The following AKAP14 variants were observed in gnomAD, a reference collection of about 807,000 sequenced individuals.
AKAP14 encodes A-kinase anchor protein 14.
In AKAP14, 4 loss-of-function variants were observed where a neutral mutation model predicts 17.0. That is an observed-to-expected ratio of 0.23 (90% CI 0.12 to 0.54). The LOEUF is 0.54. Among genes scored for constraint, AKAP14 ranks in the 20% least tolerant of loss-of-function variants. AKAP14 has a pLI of 0.95. For missense variants in AKAP14, 129 were observed against 150.9 expected, an observed-to-expected ratio of 0.85 and a Z score of 0.76; for synonymous variants, 42 against 51.3, an observed-to-expected ratio of 0.82 and a Z score of 0.77.
At position 119,896,179 on chromosome X, in the gene AKAP14, A is replaced by G. The variant is rs2056525806; in HGVS notation, c.-99A>G. ...GCACTTGCAAACATTCCATCTGGCA[A>G]TCTGAGAGAAGCTACTGAGAGAATC... On this transcript the variant is annotated 5_prime_UTR_variant, in exon 2 of 7. Coordinates refer to ENST00000371431, the MANE Select transcript of AKAP14 (RefSeq NM_178813.6). 9.1e-6 allele frequency: 1 copy of G among 109,861 alleles called. No homozygotes were observed. Among genetic ancestry groups the G allele is most frequent in the Non-Finnish European group, 1.9e-5 (1 of 52,810 alleles). The allele number at this position is 109,861 out of a possible 1,213,427, so 9.1% of individuals were successfully genotyped here.
At chrX:119,906,312 G>A (rs1297828529) in intron 4 of AKAP14, among the ~76,000 whole-genome samples, 1 of 89,408 alleles carries the variant, frequency 1.1e-5, no homozygotes, top group Non-Finnish European at 2.1e-5. Flanking sequence ...TTGGCTCACT[G>A]CACCCTCCGC....
At chrX:119,911,930 C>CTT (rs139737732) in intron 4 of AKAP14, among the ~76,000 whole-genome samples, 7 of 93,967 alleles carry the variant, frequency 7.4e-5, no homozygotes, top group African/African-American at 1.1e-4. Flanking sequence ...CTGGAGGTTG[C>CTT]TTTTTTTTTT....
chrX:119,905,608 C>G (rs2056593103), intron 4 of AKAP14, among the ~76,000 whole-genome samples: 1 of 111,211 alleles, frequency 9.0e-6, no homozygotes, highest in Non-Finnish European at 1.9e-5. Context: ...CTCCTTCCCC[C>G]CTCTCACCTT....
intron 4 of AKAP14, 56 bp from the exon 5 acceptor site, chrX:119,914,643 A>G: frequency 9.0e-7 from 1 of 1,112,513 alleles, no homozygotes. Context: ...TATCTACAGG[A>G]CTTGAACAGA....
At chrX:119,896,909 A>T (rs1330857306) in intron 2 of AKAP14, among the ~76,000 whole-genome samples, 1 of 102,866 alleles carries the variant, frequency 9.7e-6, no homozygotes, top group Non-Finnish European at 2.0e-5. Flanking sequence ...CTCTGGTTTC[A>T]AGTGATTCTC....
chrX:119,916,662 T>C (rs2056660548), intron 5 of AKAP14, among the ~76,000 whole-genome samples: 1 of 101,523 alleles, frequency 9.8e-6, no homozygotes, highest in Non-Finnish European at 2.0e-5. Context: ...GCTTTTTTTT[T>C]TTTTTTTTTT....
chrX:119,915,898 G>A (rs933167860), intron 5 of AKAP14, among the ~76,000 whole-genome samples: 7 of 111,642 alleles, frequency 6.3e-5, no homozygotes, highest in Non-Finnish European at 9.4e-5. Flanking sequence ...CTCCTAATCA[G>A]TCTCTCTGCT....
intron 2 of AKAP14, among the ~76,000 whole-genome samples, chrX:119,902,569 T>C (rs888898063): frequency 8.9e-6 from 1 of 111,778 alleles, no homozygotes; most frequent in African/African-American, 3.2e-5. Flanking sequence ...CCTCAGTTGC[T>C]CCTAGCAGGG....
At chrX:119,916,215 A>G (rs925071950) in intron 5 of AKAP14, among the ~76,000 whole-genome samples, 5 of 108,603 alleles carry the variant, frequency 4.6e-5, no homozygotes, top group Non-Finnish European at 9.5e-5. Flanking sequence ...TCTGTCATCC[A>G]GGTTGGGGCA....
At position 119,919,583 on chromosome X, in the gene AKAP14, C is replaced by T. The variant is rs776473617; in HGVS notation, c.442-328C>T. On this transcript the variant is annotated intron_variant, in intron 5 of 6. Coordinates refer to ENST00000371431, the MANE Select transcript of AKAP14 (RefSeq NM_178813.6). Reference sequence around the variant, plus strand: ...CGATTGGGCTGGGCGTGGTGGCTCACGCCTGTAATCCCAGCACTTTGGGAG... The same window carrying T: ...CGATTGGGCTGGGCGTGGTGGCTCATGCCTGTAATCCCAGCACTTTGGGAG... 1.1e-4 allele frequency among the ~76,000 whole-genome samples: 12 copies of T among 112,218 alleles called. No individual in the cohort carries two copies. The East Asian group carries it at 2.2e-3, about 21-fold the overall frequency.
chrX:119,896,415 A>AGAGGG (rs1264284627), intron 2 of AKAP14, 148 bp downstream of exon 2: 1 of 62,442 alleles, frequency 1.6e-5, no homozygotes, highest in Non-Finnish European at 2.9e-5. Context: ...GGAGGGGAGG[A>AGAGGG]GAGGGGAGGG....
In AKAP14 at chrX:119,897,733, A is replaced by T. The variant is rs191846618; in HGVS notation, c.-11+1466A>T. Among the ~76,000 whole-genome samples the T allele has an allele frequency of 1.8e-3, 199 of 111,617 alleles. 1 individual carries two copies. The highest frequency in any genetic ancestry group is 5.2e-3 in the South Asian group (14 of 2,675). On this transcript the variant is annotated intron_variant, in intron 2 of 6. Transcript: ENST00000371431. ...AATGCTCTGTGTGCTCTGGCAGATG[A>T]TCCTGTCTACCTCCAGCTGCAGCAA... is the stretch of plus-strand genomic sequence containing the variant.
At chrX:119,904,185 G>A (rs572677785) in intron 4 of AKAP14, among the ~76,000 whole-genome samples, 1 of 111,695 alleles carries the variant, frequency 9.0e-6, no homozygotes. Flanking sequence ...GGATCCTCCT[G>A]CCTTGGCCTC....
At chrX:119,907,816 CA>C (rs951533731) in intron 4 of AKAP14, among the ~76,000 whole-genome samples, 2 of 111,753 alleles carry the variant, frequency 1.8e-5, no homozygotes, top group African/African-American at 6.5e-5. Flanking sequence ...CTTTCCACCA[CA>C]GTAGGAAAAG....
intron 5 of AKAP14, among the ~76,000 whole-genome samples, chrX:119,918,436 C>T (rs1415737610): frequency 8.1e-5 from 9 of 111,134 alleles, no homozygotes; most frequent in Admixed American, 7.7e-4. Flanking sequence ...ATCACCATGT[C>T]GGCCAGGCTG....
At chrX:119,911,353 CAAA>C (rs1401058943) in intron 4 of AKAP14, among the ~76,000 whole-genome samples, 1 of 74,116 alleles carries the variant, frequency 1.3e-5, no homozygotes, top group Non-Finnish European at 2.7e-5. Flanking sequence ...GACTCTGTTT[CAAA>C]AAAAAAAAAA....
chrX:119,910,665 C>A (rs1004228121), intron 4 of AKAP14, among the ~76,000 whole-genome samples: 5 of 110,836 alleles, frequency 4.5e-5, no homozygotes, highest in African/African-American at 6.5e-5. Context: ...TTCATATATT[C>A]TTCTTCTTTT....
At chrX:119,917,389 G>T (rs2056665419) in intron 5 of AKAP14, among the ~76,000 whole-genome samples, 1 of 111,105 alleles carries the variant, frequency 9.0e-6, no homozygotes. Flanking sequence ...CAAGGCAGGC[G>T]GATCACCTGA....
At chrX:119,900,371 G>T (rs181251324) in intron 2 of AKAP14, among the ~76,000 whole-genome samples, 1 of 112,146 alleles carries the variant, frequency 8.9e-6, no homozygotes, top group Non-Finnish European at 1.9e-5. Context: ...GGGATTACAG[G>T]CATGAGCCAC....
Sources: allele counts gnomAD v4.1 joint callset (sites outside exome capture counted in the v4.1 genomes callset), GRCh38; gene constraint gnomAD v4.1.1; transcripts MANE v1.5; gene names NCBI Gene and HGNC (gene_info 2026-07-23, HGNC 2026-07-21).